Variants in TOGARAM1 observed in about 807,000 individuals in gnomAD.
The protein encoded by TOGARAM1 is TOG array regulator of axonemal microtubules 1.
In TOGARAM1, 100 loss-of-function variants were observed where a neutral mutation model predicts 166.6. The ratio of observed to expected loss-of-function variants is 0.60; its 90% CI spans 0.51 to 0.71. TOGARAM1 has a LOEUF of 0.71. Among genes scored for constraint, TOGARAM1 ranks in the 30% least tolerant of loss-of-function variants. The probability of loss-of-function intolerance (pLI) is 0.00; values close to 1 mark genes in which losing one functional copy is unlikely to be tolerated. For synonymous variants in TOGARAM1, 758 were observed against 763.8 expected (o/e 0.99, Z 0.13); for missense variants, 2,029 against 2,102.7 (o/e 0.96, Z 0.69).
intron 7 of TOGARAM1, among the ~76,000 whole-genome samples, chr14:45,024,630 T>G (rs1690885017): frequency 6.6e-6 from 1 of 152,236 alleles, no homozygotes; most frequent in Non-Finnish European, 1.5e-5. Flanking sequence ...AGCAAATTAT[T>G]CCATTTACTG....
At chr14:45,006,475 A>G (rs1052228870) in intron 5 of TOGARAM1, 1 of 423,574 alleles carries the variant, frequency 2.4e-6, no homozygotes, top group African/African-American at 2.0e-5. Context: ...TACTGTTAAC[A>G]CTCTACTGTA....
chr14:45,020,696 A>C (rs1880448799), intron 7 of TOGARAM1, among the ~76,000 whole-genome samples: 1 of 152,238 alleles, frequency 6.6e-6, no homozygotes, highest in African/African-American at 2.4e-5. Context: ...GACAAAAAAT[A>C]TTCCTGAGGG....
At chr14:45,003,705 C>T (rs1203467918) in intron 3 of TOGARAM1, among the ~76,000 whole-genome samples, 2 of 134,856 alleles carry the variant, frequency 1.5e-5, no homozygotes, top group Non-Finnish European at 3.2e-5. Flanking sequence ...ATTTTTAGTT[C>T]TAGAGAGGAT....
intron 11 of TOGARAM1, among the ~76,000 whole-genome samples, chr14:45,042,584 T>C (rs1881781260): frequency 6.6e-6 from 1 of 152,122 alleles, no homozygotes; most frequent in African/African-American, 2.4e-5. Context: ...ATTATAATTG[T>C]ATAAGGTACA....
intron 1 of TOGARAM1, among the ~76,000 whole-genome samples, chr14:44,972,274 GT>G (rs369381342): frequency 6.1e-5 from 9 of 146,854 alleles, no homozygotes; most frequent in East Asian, 2.0e-4. Flanking sequence ...GTGTGTGTGT[GT>G]TTTTTTTTTG....
At chr14:44,967,335 A>C (rs1566593837) in intron 1 of TOGARAM1, among the ~76,000 whole-genome samples, 1 of 152,122 alleles carries the variant, frequency 6.6e-6, no homozygotes, top group Non-Finnish European at 1.5e-5. Context: ...ATATTTATTC[A>C]TATGCTGTAT....
intron 11 of TOGARAM1, among the ~76,000 whole-genome samples, chr14:45,040,543 C>G (rs1881673646): frequency 6.6e-6 from 1 of 151,574 alleles, no homozygotes; most frequent in Non-Finnish European, 1.5e-5. Flanking sequence ...GGATAAGCCT[C>G]TAGTCAGATT....
intron 1 of TOGARAM1, among the ~76,000 whole-genome samples, chr14:44,973,628 G>A (rs1465781856): frequency 6.7e-6 from 1 of 148,954 alleles, no homozygotes; most frequent in Non-Finnish European, 1.5e-5. Flanking sequence ...CTCTCTCCAG[G>A]TTTTTGACCT....
chr14:44,979,561 C>T (rs776203091), intron 1 of TOGARAM1, among the ~76,000 whole-genome samples: 7 of 152,170 alleles, frequency 4.6e-5, no homozygotes, highest in Non-Finnish European at 1.0e-4. Flanking sequence ...CAGACTATTG[C>T]AGCAGCTAAC....
At chr14:45,019,206 G>T (rs1321462364) in intron 7 of TOGARAM1, among the ~76,000 whole-genome samples, 1 of 152,084 alleles carries the variant, frequency 6.6e-6, no homozygotes, top group East Asian at 1.9e-4. Flanking sequence ...TTAGGAGGTG[G>T]CTTATCCTAT....
chr14:44,968,299 G>T (rs187905178), intron 1 of TOGARAM1, among the ~76,000 whole-genome samples: 11 of 152,002 alleles, frequency 7.2e-5, no homozygotes, highest in Admixed American at 5.9e-4. Context: ...TCACTCTGTC[G>T]CCCAGGCTGG....
rs760924411 is a variant in TOGARAM1 at position 45,025,836 on chromosome 14, G to C, written c.3292G>C (p.Ala1098Pro). ...ISSFDFTTTKALSEDSVVVVG... is the reference protein window; with the variant it reads ...ISSFDFTTTKPLSEDSVVVVG... The stretch of plus-strand genomic sequence containing the variant: ...CAGTTTTGACTTCACAACCACAAAG[G>C]CTTTATCAGAAGACTCAGTAGTAGT... Residue 1098 changes from alanine (A) to proline (P), a missense_variant, in exon 8 of 20, where the codon GCT (alanine) becomes CCT (proline). Ala to Pro is a conservative substitution (Grantham distance 27, BLOSUM62 -1). This residue lies in a region of TOGARAM1 where 1,453 missense variants were observed against 1,432.2 expected (regional missense o/e 1.01). Coordinates refer to ENST00000361462, the MANE Select transcript of TOGARAM1 (RefSeq NM_001308120.2). 7 of 1,608,932 alleles carry C rather than the reference G, an allele frequency of 4.4e-6. No homozygotes were observed. The highest frequency in any genetic ancestry group is 4.5e-5 in the East Asian group (2 of 44,674).
At chr14:44,977,977 A>G (rs531333377) in intron 1 of TOGARAM1, among the ~76,000 whole-genome samples, 9 of 152,292 alleles carry the variant, frequency 5.9e-5, no homozygotes, top group Middle Eastern at 3.4e-3. Flanking sequence ...AGAACTGGGC[A>G]GCACCACGTG....
intron 16 of TOGARAM1, among the ~76,000 whole-genome samples, chr14:45,062,949 G>A (rs1320142472): frequency 1.3e-5 from 2 of 152,016 alleles, no homozygotes; most frequent in Non-Finnish European, 2.9e-5. Flanking sequence ...ATACTTATTA[G>A]CAGTCATGCC....
chr14:44,970,375 C>T (rs1158082460), intron 1 of TOGARAM1, among the ~76,000 whole-genome samples: 1 of 152,086 alleles, frequency 6.6e-6, no homozygotes, highest in Non-Finnish European at 1.5e-5. Context: ...TTGACTTTTG[C>T]ACATTAACTT....
intron 1 of TOGARAM1, among the ~76,000 whole-genome samples, chr14:44,977,028 A>G (rs538128970): frequency 4.3e-4 from 66 of 152,300 alleles, no homozygotes; most frequent in Admixed American, 1.7e-3. Flanking sequence ...ATTATGTTAA[A>G]TTGTTTTATT....
intron 1 of TOGARAM1, among the ~76,000 whole-genome samples, chr14:44,981,841 CTTTT>C (rs56409455): frequency 3.7e-5 from 3 of 80,286 alleles, no homozygotes. Flanking sequence ...TTTTCACTTA[CTTTT>C]TTTTTTTTTT....
At chr14:44,965,598 G>A (rs1287634416) in intron 1 of TOGARAM1, among the ~76,000 whole-genome samples, 1 of 152,138 alleles carries the variant, frequency 6.6e-6, no homozygotes, top group East Asian at 1.9e-4. Context: ...AAGATAAGTA[G>A]TGTGAACTTC....
At chr14:45,000,002 A>G (rs1887620457) in intron 3 of TOGARAM1, among the ~76,000 whole-genome samples, 1 of 151,734 alleles carries the variant, frequency 6.6e-6, no homozygotes, top group Non-Finnish European at 1.5e-5. Context: ...TTATTTATTT[A>G]TTTATTTTGA....
Sources: gnomAD v4.1 joint callset for allele counts (sites outside exome capture counted in the v4.1 genomes callset) on GRCh38, gnomAD v4.1.1 for gene constraint, gnomAD v4.1.1 regional missense constraint, MANE v1.5 for transcripts, NCBI Gene and HGNC (gene_info 2026-07-23, HGNC 2026-07-21) for gene names.